SYNPR: variants seen among roughly 807,000 people sequenced by gnomAD.
SYNPR encodes synaptoporin.
A neutral mutation model predicts 32.9 loss-of-function variants in SYNPR; 23 were observed. The observed-to-expected ratio is 0.70, with a 90% CI of 0.50 to 0.99. The LOEUF (loss-of-function observed/expected upper bound fraction) is 0.99, where lower values mean the gene tolerates loss of function less well. SYNPR is among the 50% of genes least tolerant of loss of function. The pLI, the probability that SYNPR is intolerant of heterozygous loss-of-function variation, is 0.00. For missense variants in SYNPR, 318 were observed against 349.3 expected (o/e 0.91, Z 0.71); for synonymous variants, 146 against 135.9 (o/e 1.07, Z -0.52).
At chr3:63,395,635 G>A (rs1360017434) in intron 2 of SYNPR, among the ~76,000 whole-genome samples, 1 of 152,160 alleles carries the variant, frequency 6.6e-6, no homozygotes, top group Non-Finnish European at 1.5e-5. Flanking sequence ...TGCTAGTGCT[G>A]TCTTCCCATT....
At chr3:63,400,447 G>T (rs138641190) in intron 2 of SYNPR, among the ~76,000 whole-genome samples, 4 of 152,224 alleles carry the variant, frequency 2.6e-5, no homozygotes, top group African/African-American at 9.6e-5. Flanking sequence ...CACACCAATG[G>T]CACGTCAGAG....
chr3:63,555,022 A>C (rs893146342), intron 3 of SYNPR, among the ~76,000 whole-genome samples: 1 of 152,058 alleles, frequency 6.6e-6, no homozygotes, highest in African/African-American at 2.4e-5. Context: ...CCTGGACATT[A>C]TTGGTGTATA....
intron 2 of SYNPR, among the ~76,000 whole-genome samples, chr3:63,308,652 G>T (rs1231533780): frequency 1.3e-5 from 2 of 151,900 alleles, no homozygotes; most frequent in Non-Finnish European, 2.9e-5. Context: ...CTTGTTACTT[G>T]CACTACTTCT....
At chr3:63,349,046 T>C (rs960166515) in intron 2 of SYNPR, among the ~76,000 whole-genome samples, 1 of 152,156 alleles carries the variant, frequency 6.6e-6, no homozygotes, top group Admixed American at 6.6e-5. Flanking sequence ...TTGAGTAGTT[T>C]GATAAGGACT....
intron 4 of SYNPR, among the ~76,000 whole-genome samples, chr3:63,588,567 T>C (rs1023656632): frequency 6.6e-6 from 1 of 152,152 alleles, no homozygotes; most frequent in African/African-American, 2.4e-5. Context: ...GAAAGATTGA[T>C]ATGGTGTTCA....
At chr3:63,269,215 G>A (rs2086514159) in intron 3 of SYNPR, among the ~76,000 whole-genome samples, 1 of 152,202 alleles carries the variant, frequency 6.6e-6, no homozygotes, top group Non-Finnish European at 1.5e-5. Context: ...CAGGCCAAGT[G>A]CAGTGGCTCA....
At chr3:63,546,887 G>A (rs1419927594) in intron 3 of SYNPR, among the ~76,000 whole-genome samples, 1 of 152,132 alleles carries the variant, frequency 6.6e-6, no homozygotes, top group Non-Finnish European at 1.5e-5. Context: ...GTTGTTGCAA[G>A]CCTTGGAGAT....
At chr3:63,507,953 C>CA (rs1337919274) in intron 3 of SYNPR, among the ~76,000 whole-genome samples, 1 of 151,016 alleles carries the variant, frequency 6.6e-6, no homozygotes, top group Non-Finnish European at 1.5e-5. Context: ...ATGAAAATGG[C>CA]AAAATTAGTT....
chr3:63,235,686 C>A (rs1232277444), intron 1 of SYNPR, among the ~76,000 whole-genome samples: 2 of 152,088 alleles, frequency 1.3e-5, no homozygotes, highest in Non-Finnish European at 2.9e-5. Context: ...CCTTCTGTAC[C>A]TAACCTTTAG....
At chr3:63,610,539 G>A (rs72889290) in intron 5 of SYNPR, 23,712 of 696,348 alleles carry the variant, frequency 0.034, 1,524 homozygotes, top group African/African-American at 0.2. Context: ...TGACTGGACT[G>A]TGATTTCTGC....
intron 2 of SYNPR, among the ~76,000 whole-genome samples, chr3:63,385,316 G>A (rs1175382094): frequency 6.6e-6 from 1 of 152,110 alleles, no homozygotes; most frequent in Non-Finnish European, 1.5e-5. Context: ...TGTTACGGAG[G>A]TATTAAGGAC....
At chr3:63,469,131 G>A (rs888488584) in intron 2 of SYNPR, among the ~76,000 whole-genome samples, 6 of 152,074 alleles carry the variant, frequency 3.9e-5, no homozygotes, top group African/African-American at 9.7e-5. Flanking sequence ...ACTGAATCCC[G>A]ATGGGAATTT....
chr3:63,439,788 T>A (rs1402425519), intron 2 of SYNPR, among the ~76,000 whole-genome samples: 9 of 152,216 alleles, frequency 5.9e-5, no homozygotes, highest in Non-Finnish European at 1.0e-4. Context: ...CCCTTATTCA[T>A]CTGTTCTGTA....
chr3:63,549,727 A>T lies in SYNPR; in HGVS notation c.210-6816A>T, dbSNP rs115066521. The stretch of plus-strand genomic sequence containing the variant: ...TGCATTTAATATTACTCCAGACCCT[A>T]CAAACGTAACTAAAAACTATGGGGA... On this transcript the variant is annotated intron_variant, in intron 3 of 5. Transcript: ENST00000478300. 2.4e-3 allele frequency among the ~76,000 whole-genome samples: 365 copies of T among 152,294 alleles called. 2 individuals carry two copies. The highest frequency in any genetic ancestry group is 8.3e-3 in the African/African-American group (345 of 41,554).
At chr3:63,521,369 C>T (rs903540284) in intron 3 of SYNPR, among the ~76,000 whole-genome samples, 1 of 152,186 alleles carries the variant, frequency 6.6e-6, no homozygotes, top group Admixed American at 6.5e-5. Flanking sequence ...GCCTGAGTAT[C>T]TTTGTAGAAT....
In SYNPR at chr3:63,357,998, T is replaced by G. The variant is rs968073616; in HGVS notation, c.84+79256T>G. Reference sequence around the variant, plus strand: ...ATCTTTTCTTGCAAATAAACAGAATTGAGGGTTGAGGAGTGATTCATTCGC... The same window carrying G: ...ATCTTTTCTTGCAAATAAACAGAATGGAGGGTTGAGGAGTGATTCATTCGC... On this transcript the variant is annotated intron_variant, in intron 2 of 5. Transcript: ENST00000478300. Among the ~76,000 whole-genome samples the G allele has an allele frequency of 4.6e-5, 7 of 152,192 alleles. No homozygotes were observed. In the East Asian group the frequency reaches 9.7e-4, roughly 21 times the overall value.
At chr3:63,263,730 ACTT>A (rs757976837) in intron 2 of SYNPR, among the ~76,000 whole-genome samples, 3 of 152,150 alleles carry the variant, frequency 2.0e-5, no homozygotes, top group South Asian at 2.1e-4. Context: ...AGCATCTAGG[ACTT>A]CTTCTTACCC....
At chr3:63,532,572 G>T (rs1702131570) in intron 3 of SYNPR, among the ~76,000 whole-genome samples, 1 of 152,196 alleles carries the variant, frequency 6.6e-6, no homozygotes, top group Admixed American at 6.5e-5. Flanking sequence ...GCAGGCTTCT[G>T]TCCTTGCTGT....
intron 2 of SYNPR, among the ~76,000 whole-genome samples, chr3:63,399,789 C>T (rs1202399769): frequency 6.6e-6 from 1 of 152,212 alleles, no homozygotes; most frequent in Non-Finnish European, 1.5e-5. Context: ...GCTCCTCCCA[C>T]TGACGCATAT....
Sources: gnomAD v4.1 joint callset for allele counts (sites outside exome capture counted in the v4.1 genomes callset) on GRCh38, gnomAD v4.1.1 for gene constraint, MANE v1.5 for transcripts, NCBI Gene and HGNC (gene_info 2026-07-23, HGNC 2026-07-21) for gene names.